Variants in CLEC16A observed in about 807,000 individuals in gnomAD.
CLEC16A encodes protein CLEC16A.
A neutral mutation model predicts 109.5 loss-of-function variants in CLEC16A; 51 were observed. The ratio of observed to expected loss-of-function variants is 0.47; its 90% CI spans 0.37 to 0.59. The LOEUF is 0.59. Among genes scored for constraint, CLEC16A ranks in the 20% least tolerant of loss-of-function variants. The probability of loss-of-function intolerance (pLI) is 0.00; values close to 1 mark genes in which losing one functional copy is unlikely to be tolerated. For synonymous variants in CLEC16A, 673 were observed against 564.2 expected, an observed-to-expected ratio of 1.19 and a Z score of -2.73; for missense variants, 1,339 against 1,394.0, an observed-to-expected ratio of 0.96 and a Z score of 0.63.
At chr16:11,151,664 C>G (rs1054742421) in intron 22 of CLEC16A, among the ~76,000 whole-genome samples, 1 of 152,226 alleles carries the variant, frequency 6.6e-6, no homozygotes. Flanking sequence ...GGCATTAAAT[C>G]AATCAGTGCA....
chr16:11,164,611 C>T (rs987167363), intron 22 of CLEC16A, among the ~76,000 whole-genome samples: 2 of 152,246 alleles, frequency 1.3e-5, no homozygotes, highest in Non-Finnish European at 2.9e-5. Context: ...CACACTGCTT[C>T]TGTCCAGAGC....
In CLEC16A at chr16:11,166,413, C is replaced by G. The variant is rs765302746; in HGVS notation, c.2667C>G (p.Asn889Lys). The G allele has an allele frequency of 6.2e-7, 1 of 1,605,236 alleles. No homozygotes were observed. The highest frequency in any genetic ancestry group is 8.5e-7 in the Non-Finnish European group (1 of 1,179,606). Residue 889 changes from asparagine (N) to lysine (K), a missense_variant, in exon 23 of 24, where the codon AAC becomes AAG. Transcript: ENST00000409790. ...VPGFAVAQCI[N>K]QHSSPSLSSQ... is the part of the protein sequence containing the mutation. ...GCTTCGCCGTGGCCCAGTGCATAAA[C>G]CAGCACAGCTCCCCGTCCCTGTCCT...
intron 20 of CLEC16A, among the ~76,000 whole-genome samples, chr16:11,122,071 C>G (rs2052460063): frequency 7.0e-6 from 1 of 143,496 alleles, no homozygotes; most frequent in Non-Finnish European, 1.5e-5. Flanking sequence ...TCAAGGCAGT[C>G]CATTTCTTTG....
At chr16:11,155,973 C>T (rs1287882810) in intron 22 of CLEC16A, among the ~76,000 whole-genome samples, 2 of 152,172 alleles carry the variant, frequency 1.3e-5, no homozygotes, top group African/African-American at 4.8e-5. Flanking sequence ...GCAGGCCAAA[C>T]ATGTCAGTGT....
intron 23 of CLEC16A, among the ~76,000 whole-genome samples, chr16:11,173,015 G>A (rs1444160605): frequency 2.6e-5 from 4 of 152,048 alleles, no homozygotes; most frequent in Admixed American, 1.3e-4. Context: ...GAGCTTCCCC[G>A]GCTTCCCTCC....
intron 1 of CLEC16A, among the ~76,000 whole-genome samples, chr16:10,952,310 A>G (rs1362870834): frequency 6.6e-6 from 1 of 152,216 alleles, no homozygotes; most frequent in African/African-American, 2.4e-5. Flanking sequence ...CCTGGCCAAC[A>G]TGGCTAAACC....
intron 9 of CLEC16A, among the ~76,000 whole-genome samples, chr16:10,981,839 C>G (rs1481917622): frequency 2.6e-5 from 4 of 152,120 alleles, no homozygotes; most frequent in African/African-American, 9.7e-5. Context: ...GCAATTTTGC[C>G]CCTCAGGGGA....
intron 11 of CLEC16A, among the ~76,000 whole-genome samples, chr16:11,015,984 A>G (rs923392574): frequency 6.6e-6 from 1 of 152,244 alleles, no homozygotes; most frequent in Non-Finnish European, 1.5e-5. Flanking sequence ...GAGTCTTCAG[A>G]TGTCTGATGG....
intron 22 of CLEC16A, among the ~76,000 whole-genome samples, chr16:11,162,591 A>G (rs1025666437): frequency 6.6e-5 from 10 of 152,234 alleles, no homozygotes; most frequent in African/African-American, 2.4e-4. Context: ...CAAGGGGGAA[A>G]GAGAGCACAA....
chr16:11,123,475 C>A (rs1029341627), intron 20 of CLEC16A, among the ~76,000 whole-genome samples: 25 of 152,164 alleles, frequency 1.6e-4, no homozygotes, highest in African/African-American at 5.8e-4. Flanking sequence ...TGACCCCAGT[C>A]CTCATGGAAA....
At chr16:11,119,690 C>A (rs566692837) in intron 19 of CLEC16A, among the ~76,000 whole-genome samples, 1 of 152,284 alleles carries the variant, frequency 6.6e-6, no homozygotes, top group East Asian at 1.9e-4. Context: ...TCACACCTGG[C>A]CTAGCTTTGC....
chr16:11,163,631 G>A (rs1271520935), intron 22 of CLEC16A, among the ~76,000 whole-genome samples: 2 of 152,208 alleles, frequency 1.3e-5, no homozygotes, highest in Admixed American at 6.5e-5. Flanking sequence ...ATGTCCCACT[G>A]CAGATGTCTT....
At chr16:11,006,492 T>C (rs2045020735) in intron 11 of CLEC16A, among the ~76,000 whole-genome samples, 1 of 152,170 alleles carries the variant, frequency 6.6e-6, no homozygotes, top group Admixed American at 6.5e-5. Flanking sequence ...GCTCCTTTCA[T>C]TGTCCCTAGA....
At chr16:11,090,100 C>T (rs2050220725) in intron 19 of CLEC16A, among the ~76,000 whole-genome samples, 1 of 152,148 alleles carries the variant, frequency 6.6e-6, no homozygotes, top group Middle Eastern at 3.2e-3. Flanking sequence ...AGTTCTCCAC[C>T]AAACACTCCA....
chr16:11,121,879 CAAAAAAAAAAAA>C (rs536067685), intron 20 of CLEC16A, among the ~76,000 whole-genome samples: 27 of 29,842 alleles, frequency 9.0e-4, no homozygotes, highest in Middle Eastern at 0.031. Flanking sequence ...GACCCTGTCT[CAAAAAAAAAAAA>C]AAAAAAAAAA....
At chr16:10,968,471 T>C (rs1261224346) in intron 3 of CLEC16A, among the ~76,000 whole-genome samples, 1 of 152,206 alleles carries the variant, frequency 6.6e-6, no homozygotes, top group African/African-American at 2.4e-5. Context: ...TGGGCCCTCA[T>C]CACCCAGTTT....
intron 11 of CLEC16A, among the ~76,000 whole-genome samples, chr16:11,004,600 G>T (rs559341157): frequency 1.3e-5 from 2 of 152,056 alleles, no homozygotes; most frequent in Non-Finnish European, 2.9e-5. Context: ...AGAGCCACTC[G>T]TTCAGTGACT....
intron 7 of CLEC16A, among the ~76,000 whole-genome samples, chr16:10,976,531 A>G (rs1038499630): frequency 2.0e-5 from 3 of 152,166 alleles, no homozygotes; most frequent in Admixed American, 1.3e-4. Context: ...TTGCTTTTAT[A>G]TTTTAATTTG....
intron 22 of CLEC16A, among the ~76,000 whole-genome samples, chr16:11,159,933 AC>A (rs774340862): frequency 1.2e-4 from 18 of 152,168 alleles, no homozygotes; most frequent in Admixed American, 5.9e-4. Flanking sequence ...CTTCCTGGAA[AC>A]AGGTAGTATG....
Sources: gnomAD v4.1 joint callset for allele counts (sites outside exome capture counted in the v4.1 genomes callset) on GRCh38, gnomAD v4.1.1 for gene constraint, MANE v1.5 for transcripts, NCBI Gene and HGNC (gene_info 2026-07-23, HGNC 2026-07-21) for gene names.